The following PLAA variants were observed in gnomAD, a reference collection of about 807,000 sequenced individuals.
PLAA encodes phospholipase A2 activating protein.
PLAA carries 48 observed loss-of-function variants against 84.1 expected under a neutral mutation model. The ratio of observed to expected loss-of-function variants is 0.57; its 90% CI spans 0.45 to 0.73. The LOEUF is 0.73. Among genes scored for constraint, PLAA ranks in the 30% least tolerant of loss-of-function variants. PLAA has a pLI of 0.00. For synonymous variants in PLAA, 392 were observed against 336.6 expected, an observed-to-expected ratio of 1.16 and a Z score of -1.80; for missense variants, 903 against 954.7, an observed-to-expected ratio of 0.95 and a Z score of 0.71.
chr9:26,915,847 C>T lies in PLAA; in HGVS notation c.1486+1250G>A, dbSNP rs770822953. On this transcript the variant is annotated intron_variant, in intron 10 of 13. Transcript: ENST00000397292. ...GAAGCTTGATATGTTCTTTCTGTTC[C>T]AGAAAAAAAGCCGCCAAAGTGATTT... 5.2e-5 allele frequency: 51 copies of T among 985,128 alleles called. No individual in the cohort carries two copies. In the Admixed American group the frequency reaches 6.8e-4, roughly 13 times the overall value. 61.0% of individuals were successfully genotyped at this position (985,128 alleles called of 1,614,324 possible).
intron 9 of PLAA, among the ~76,000 whole-genome samples, chr9:26,917,693 A>G (rs7871097): frequency 0.2 from 31,162 of 152,206 alleles, 3,789 homozygotes; most frequent in African/African-American, 0.33. Flanking sequence ...GAATTAGAAA[A>G]GGGATGAAAA....
At chr9:26,919,617 T>C (rs1271130043) in intron 8 of PLAA, 88 bp from the exon 9 acceptor site, 1 of 745,202 alleles carries the variant, frequency 1.3e-6, no homozygotes, top group Non-Finnish European at 2.2e-6. Context: ...GATGTGTTCT[T>C]TAATAATTAC....
chr9:26,911,082 G>A (rs533032251), intron 11 of PLAA, among the ~76,000 whole-genome samples: 9 of 152,064 alleles, frequency 5.9e-5, no homozygotes, highest in African/African-American at 2.2e-4. Flanking sequence ...TTAAGTTCCA[G>A]GGTACATGTG....
intron 10 of PLAA, among the ~76,000 whole-genome samples, chr9:26,914,668 C>T (rs1348876179): frequency 6.6e-6 from 1 of 151,924 alleles, no homozygotes; most frequent in Non-Finnish European, 1.5e-5. Flanking sequence ...AGTTAATCAT[C>T]TTCTATGCAT....
intron 1 of PLAA, among the ~76,000 whole-genome samples, chr9:26,943,043 T>C (rs531998689): frequency 2.6e-5 from 4 of 152,114 alleles, no homozygotes; most frequent in Non-Finnish European, 5.9e-5. Flanking sequence ...TATCTGAAGA[T>C]GTGTCTTCAA....
chr9:26,906,877 T>C (rs745687130), intron 13 of PLAA, among the ~76,000 whole-genome samples: 30 of 152,030 alleles, frequency 2.0e-4, no homozygotes, highest in Non-Finnish European at 3.5e-4. Context: ...AATCCAACAT[T>C]ATGTGCTCCG....
At chr9:26,942,559 T>C (rs1023028899) in intron 1 of PLAA, among the ~76,000 whole-genome samples, 1 of 152,176 alleles carries the variant, frequency 6.6e-6, no homozygotes, top group Non-Finnish European at 1.5e-5. Context: ...AGAGTTATCA[T>C]AGATTATTCC....
At chr9:26,944,259 T>C (rs1825623677) in intron 1 of PLAA, among the ~76,000 whole-genome samples, 1 of 152,198 alleles carries the variant, frequency 6.6e-6, no homozygotes, top group African/African-American at 2.4e-5. Flanking sequence ...ACCTTGATAA[T>C]GGACTTCCCA....
intron 11 of PLAA, among the ~76,000 whole-genome samples, chr9:26,912,788 T>C (rs1306984130): frequency 6.6e-6 from 1 of 151,984 alleles, no homozygotes; most frequent in African/African-American, 2.4e-5. Flanking sequence ...TTGTTCAAGG[T>C]CAAGCAGATA....
Position 26,928,198 on chromosome 9 carries a change from G to A in PLAA, c.467C>T (p.Ala156Val), listed in dbSNP as rs566272935. The change falls in exon 4 of 14, where the codon GCG becomes GTG. Residue 156 changes from alanine (A) to valine (V), a missense_variant. Physicochemically the swap from Ala to Val is moderately conservative, Grantham distance 64 (BLOSUM62 0). Coordinates refer to ENST00000397292, the MANE Select transcript of PLAA (RefSeq NM_001031689.3). Reference protein sequence around the residue: ...TLQGHTAAVWAVKILPEQGLM... With the variant: ...TLQGHTAAVWVVKILPEQGLM... ...GCCCTGTTCAGGTAAGATCTTTACC[G>A]CCCACACTGCAGCTGTATGACCCTG... 6.2e-6 allele frequency: 10 copies of A among 1,614,002 alleles called. No homozygotes were observed. The highest frequency in any genetic ancestry group is 4.4e-5 in the South Asian group (4 of 91,062).
chr9:26,909,943 G>A (rs1474440507), intron 12 of PLAA, among the ~76,000 whole-genome samples: 1 of 152,056 alleles, frequency 6.6e-6, no homozygotes, highest in African/African-American at 2.4e-5. Context: ...ATTTCTAATG[G>A]GCAATTTAAA....
At chr9:26,926,689 T>C (rs1563914087) in intron 4 of PLAA, 129 bp from the exon 5 acceptor site, 3 of 670,760 alleles carry the variant, frequency 4.5e-6, no homozygotes, top group Non-Finnish European at 2.3e-6. Flanking sequence ...AGAAATCTTT[T>C]TTTTTGTTGA....
intron 1 of PLAA, among the ~76,000 whole-genome samples, 159 bp from the exon 2 acceptor site, chr9:26,935,365 A>C (rs994994738): frequency 2.0e-5 from 3 of 152,246 alleles, no homozygotes; most frequent in Admixed American, 2.0e-4. Flanking sequence ...TACATAATTC[A>C]TATGAACTAC....
In PLAA at chr9:26,919,532, A is replaced by G; in HGVS notation, c.1198-3T>C. On this transcript the variant is annotated splice_polypyrimidine_tract_variant and splice_region_variant and intron_variant, in intron 8 of 13. Transcript: ENST00000397292. Reference sequence around the variant, plus strand: ...ATTGAGAAAACATAATCAAATTCCTAAAGTAGGAATATAAAAAGGAGATAC... The same window carrying G: ...ATTGAGAAAACATAATCAAATTCCTGAAGTAGGAATATAAAAAGGAGATAC... 2.0e-6 allele frequency: 3 copies of G among 1,518,872 alleles called. No individual in the cohort carries two copies. Among genetic ancestry groups the G allele is most frequent in the Non-Finnish European group, 2.7e-6 (3 of 1,096,068 alleles). 94.1% of individuals were successfully genotyped at this position (1,518,872 alleles called of 1,614,324 possible). A position where few individuals can be genotyped will look rare whatever the true frequency, so the allele number is the denominator to read the frequency against.
chr9:26,940,008 G>T (rs1175051295), intron 1 of PLAA, among the ~76,000 whole-genome samples: 2 of 151,974 alleles, frequency 1.3e-5, no homozygotes, highest in African/African-American at 4.8e-5. Context: ...AGGAAAAAGA[G>T]GACTTAACAA....
intron 6 of PLAA, among the ~76,000 whole-genome samples, chr9:26,924,307 T>C (rs983622440): frequency 3.3e-5 from 5 of 151,980 alleles, no homozygotes; most frequent in African/African-American, 1.2e-4. Flanking sequence ...ATTAAATATT[T>C]TTTTTGTATG....
intron 7 of PLAA, among the ~76,000 whole-genome samples, chr9:26,922,572 A>G (rs889042375): frequency 6.6e-6 from 1 of 152,186 alleles, no homozygotes; most frequent in Non-Finnish European, 1.5e-5. Context: ...CAAGAGATAC[A>G]TCCAACCCAA....
intron 10 of PLAA, among the ~76,000 whole-genome samples, chr9:26,914,447 G>C (rs1824489664): frequency 6.6e-6 from 1 of 152,052 alleles, no homozygotes; most frequent in Non-Finnish European, 1.5e-5. Flanking sequence ...GAGATATTCA[G>C]AATAATGGAT....
At chr9:26,913,785 C>A in intron 11 of PLAA, 94 bp downstream of exon 11, 2 of 879,040 alleles carry the variant, frequency 2.3e-6, no homozygotes, top group Non-Finnish European at 3.5e-6. Context: ...AGTTCTCAAG[C>A]AAGAAAATGA....
Sources: gnomAD v4.1 joint callset for allele counts (sites outside exome capture counted in the v4.1 genomes callset) on GRCh38, gnomAD v4.1.1 for gene constraint, MANE v1.5 for transcripts, NCBI Gene and HGNC (gene_info 2026-07-23, HGNC 2026-07-21) for gene names.